Variants in C15orf40 observed in about 807,000 individuals in gnomAD.
The protein encoded by C15orf40 is chromosome 15 open reading frame 40, also known as UPF0235 protein C15orf40.
A neutral mutation model predicts 13.9 loss-of-function variants in C15orf40; 9 were observed. The ratio of observed to expected loss-of-function variants is 0.65; its 90% CI spans 0.39 to 1.13. The LOEUF (loss-of-function observed/expected upper bound fraction) is 1.13, where lower values mean the gene tolerates loss of function less well. C15orf40 is among the 50% of genes most tolerant of loss of function. The probability of loss-of-function intolerance (pLI) is 0.01; values close to 1 mark genes in which losing one functional copy is unlikely to be tolerated. For missense variants in C15orf40, 225 were observed against 188.5 expected (o/e 1.19, Z -1.13); for synonymous variants, 95 against 69.2 (o/e 1.37, Z -1.85).
chr15:83,008,769 C>T (rs2031840958), intron 2 of C15orf40, 94 bp from the exon 3 acceptor site: 1 of 1,365,384 alleles, frequency 7.3e-7, no homozygotes, highest in Non-Finnish European at 9.8e-7. Flanking sequence ...ATTTGCCTGG[C>T]ACACAGATTT....
rs1464812326 is a variant in C15orf40, at chr15:83,005,561, G to A, written c.*36C>T. 6.4e-6 allele frequency: 10 copies of A among 1,568,182 alleles called. No homozygotes were observed. Among genetic ancestry groups the A allele is most frequent in the South Asian group, 1.1e-5 (1 of 88,690 alleles). ...GGCCTCCCAAAGTGCTGGGATTACA[G>A]GCATGAGCCACTGCGCCCGGCCTCA... is the stretch of plus-strand genomic sequence containing the variant. On this transcript the variant is annotated 3_prime_UTR_variant, in exon 4 of 4. Coordinates refer to ENST00000304177, the MANE Select transcript of C15orf40 (RefSeq NM_144597.3).
At chr15:82,992,013 C>T (rs761644130), downstream of C15orf40, 22 of 856,276 alleles carry the variant, frequency 2.6e-5, no homozygotes, top group Admixed American at 2.1e-4. Flanking sequence ...GCCAGGAGTT[C>T]GAGGCCAGCC....
In C15orf40 at chr15:83,000,725, G is replaced by C. The variant is rs890942992; in HGVS notation, c.*4872C>G. 3 of 152,226 alleles carry C rather than the reference G, an allele frequency of 2.0e-5. No homozygotes were observed. The highest frequency in any genetic ancestry group is 4.4e-5 in the Non-Finnish European group (3 of 68,042). The allele number at this position is 152,226 out of a possible 1,614,324, so 9.4% of individuals were successfully genotyped here. A position where few individuals can be genotyped will look rare whatever the true frequency, so the allele number is the denominator to read the frequency against. On this transcript the variant is annotated 3_prime_UTR_variant, in exon 4 of 4. Transcript: ENST00000304177. The stretch of plus-strand genomic sequence containing the variant: ...ATTTATACTCTGCATTACAGCTAAA[G>C]AACTATGTAACCAAATCCCTGGAAT...
In C15orf40 at chr15:83,005,324, G is replaced by A. The variant is rs150955027; in HGVS notation, c.*273C>T. On this transcript the variant is annotated 3_prime_UTR_variant, in exon 4 of 4. Transcript: ENST00000304177. ...GGGGGGAGAGAGTTTCACTCTTGTT[G>A]CCCAGGCTGGAGTGCAACGGCGCGA... is the stretch of plus-strand genomic sequence containing the variant. 8.1e-3 allele frequency: 7,714 copies of A among 948,490 alleles called. 382 individuals are homozygous for A. In the African/African-American group the frequency reaches 0.12, roughly 14 times the overall value. 58.8% of individuals were successfully genotyped at this position (948,490 alleles called of 1,614,324 possible).
downstream of C15orf40, chr15:82,989,188 G>T (rs757860183): frequency 6.2e-7 from 1 of 1,612,058 alleles, no homozygotes; most frequent in East Asian, 2.2e-5. Flanking sequence ...AGAGGCAATC[G>T]GTGTGTATTC....
Position 83,002,823 on chromosome 15 carries a change from G to A in C15orf40, c.*2774C>T, listed in dbSNP as rs929755703. 6.6e-6 allele frequency: 1 copy of A among 152,174 alleles called. No homozygotes were observed. Among genetic ancestry groups the A allele is most frequent in the African/African-American group, 2.4e-5 (1 of 41,432 alleles). The allele number at this position is 152,174 out of a possible 1,614,324, so 9.4% of individuals were successfully genotyped here. A position where few individuals can be genotyped will look rare whatever the true frequency, so the allele number is the denominator to read the frequency against. On this transcript the variant is annotated 3_prime_UTR_variant, in exon 4 of 4. Coordinates refer to ENST00000304177, the MANE Select transcript of C15orf40 (RefSeq NM_144597.3). Reference sequence around the variant, plus strand: ...TGATTTTTTTTTTTCTTGAGACGGAGTCTGCCTCTGCAGCCCACGCTGGAG... The same window carrying A: ...TGATTTTTTTTTTTCTTGAGACGGAATCTGCCTCTGCAGCCCACGCTGGAG...
downstream of C15orf40, chr15:82,989,014 T>C: frequency 1.3e-6 from 2 of 1,597,948 alleles, no homozygotes; most frequent in Non-Finnish European, 1.7e-6. Flanking sequence ...GTACAGATTT[T>C]CAGAATGACT....
At position 83,002,324 on chromosome 15, in the gene C15orf40, C is replaced by T. The variant is rs1178292918; in HGVS notation, c.*3273G>A. 1 of 152,182 alleles carries T rather than the reference C, an allele frequency of 6.6e-6. No homozygotes were observed. The highest frequency in any genetic ancestry group is 1.5e-5 in the Non-Finnish European group (1 of 68,030). 9.4% of individuals were successfully genotyped at this position (152,182 alleles called of 1,614,324 possible). On this transcript the variant is annotated 3_prime_UTR_variant, in exon 4 of 4. Transcript: ENST00000304177. ...AATGTTCCCACGTTTAAAATATCAC[C>T]GTTTAAAATGAAGTAAATAGGTTAT...
In C15orf40 at chr15:83,000,988, T is replaced by C. The variant is rs1289981747; in HGVS notation, c.*4609A>G. On this transcript the variant is annotated 3_prime_UTR_variant, in exon 4 of 4. Transcript: ENST00000304177. The stretch of plus-strand genomic sequence containing the variant: ...TTGCCATGCCCAGCGAATATTTGTA[T>C]TTGTAGTAGAAACAGGGTTTCGCCA... 1 of 368,864 alleles carries C rather than the reference T, an allele frequency of 2.7e-6. No homozygotes were observed. 22.8% of individuals were successfully genotyped at this position (368,864 alleles called of 1,614,324 possible).
downstream of C15orf40, chr15:82,992,036 C>A: frequency 1.6e-6 from 1 of 623,202 alleles, no homozygotes; most frequent in South Asian, 1.5e-5. Context: ...GGCAATGTAG[C>A]AAGATCCTGT....
chr15:83,004,864 T>A lies in C15orf40; in HGVS notation c.*733A>T. The A allele has an allele frequency of 7.7e-7, 1 of 1,303,018 alleles. No individual in the cohort carries two copies. The highest frequency in any genetic ancestry group is 1.0e-6 in the Non-Finnish European group (1 of 987,654). 80.7% of individuals were successfully genotyped at this position (1,303,018 alleles called of 1,614,324 possible). A position where few individuals can be genotyped will look rare whatever the true frequency, so the allele number is the denominator to read the frequency against. On this transcript the variant is annotated 3_prime_UTR_variant, in exon 4 of 4. Coordinates refer to ENST00000304177, the MANE Select transcript of C15orf40 (RefSeq NM_144597.3). ...CAGAATTCCAGAACCGTTGTGGAGA[T>A]ATGATTTTTAATTTACAATCTAGAA...
intron 3 of C15orf40, among the ~76,000 whole-genome samples, chr15:83,007,593 T>C (rs1399993996): frequency 6.6e-6 from 1 of 152,230 alleles, no homozygotes; most frequent in Non-Finnish European, 1.5e-5. Flanking sequence ...ATCATTAATA[T>C]GTAATAATCA....
Position 82,999,844 on chromosome 15 carries a change from CCT to C in C15orf40, c.*5751_*5752del, listed in dbSNP as rs538327119. On this transcript the variant is annotated 3_prime_UTR_variant, in exon 4 of 4. Transcript: ENST00000304177. Reference sequence around the variant, plus strand: ...AACTCTATCTAGGGGACCGATGGACCCTGAGGCAGACAGGATTATAAAATGCA... The same window carrying C: ...AACTCTATCTAGGGGACCGATGGACCGAGGCAGACAGGATTATAAAATGCA... The C allele has an allele frequency of 1.0e-3, 156 of 152,164 alleles. No homozygotes were observed. Among genetic ancestry groups the C allele is most frequent in the African/African-American group, 3.6e-3 (150 of 41,518 alleles). 9.4% of individuals were successfully genotyped at this position (152,164 alleles called of 1,614,324 possible). A position where few individuals can be genotyped will look rare whatever the true frequency, so the allele number is the denominator to read the frequency against.
rs2151275259 is a variant in C15orf40 at position 82,996,223 on chromosome 15, C to G, written c.*9374G>C. On this transcript the variant is annotated 3_prime_UTR_variant, in exon 4 of 4. Transcript: ENST00000304177. ...TTCCACTGCTCGTGCCTTTAACTCC[C>G]TAAAGAATCTCCAGTCTCTTTGTCT... The G allele has an allele frequency of 6.6e-6, 1 of 152,350 alleles. No homozygotes were observed. Among genetic ancestry groups the G allele is most frequent in the East Asian group, 1.9e-4 (1 of 5,194 alleles). 9.4% of individuals were successfully genotyped at this position (152,350 alleles called of 1,614,324 possible).
chr15:82,991,238 A>T (rs142607590), downstream of C15orf40, among the ~76,000 whole-genome samples: 1,743 of 152,244 alleles, frequency 0.011, 11 homozygotes, highest in Non-Finnish European at 0.017. Flanking sequence ...GTGACAAAAA[A>T]ATATATATAT....
chr15:82,990,592 C>T (rs938668175), downstream of C15orf40: 35 of 1,345,916 alleles, frequency 2.6e-5, no homozygotes, highest in East Asian at 7.9e-4. Flanking sequence ...TTTGTGATTC[C>T]TTAATCTATA....
intron 3 of C15orf40, among the ~76,000 whole-genome samples, chr15:83,007,606 C>T (rs900827036): frequency 1.3e-5 from 2 of 152,184 alleles, no homozygotes; most frequent in African/African-American, 4.8e-5. Context: ...AATAATCAAA[C>T]ATGGCTGGGC....
chr15:83,010,569 G>A (rs1455793330), intron 1 of C15orf40: 4 of 527,242 alleles, frequency 7.6e-6, no homozygotes, highest in Non-Finnish European at 1.3e-5. Flanking sequence ...CAACCCAACA[G>A]TGTTTTTTCC....
chr15:83,000,233 CAAGTT>C lies in C15orf40; in HGVS notation c.*5359_*5363del, dbSNP rs1449248400. ...CTATTTGGCAGTTGTGTTCTTCACT[CAAGTT>C]AATAAGCTGGCATCTTGATAAGAAA... On this transcript the variant is annotated 3_prime_UTR_variant, in exon 4 of 4. Coordinates refer to ENST00000304177, the MANE Select transcript of C15orf40 (RefSeq NM_144597.3). 5 of 152,250 alleles carry C rather than the reference CAAGTT, an allele frequency of 3.3e-5. No individual in the cohort carries two copies. Among genetic ancestry groups the C allele is most frequent in the Non-Finnish European group, 4.4e-5 (3 of 68,048 alleles). 9.4% of individuals were successfully genotyped at this position (152,250 alleles called of 1,614,324 possible).
Sources: gnomAD v4.1 joint callset for allele counts (sites outside exome capture counted in the v4.1 genomes callset) on GRCh38, gnomAD v4.1.1 for gene constraint, MANE v1.5 for transcripts, NCBI Gene and HGNC (gene_info 2026-07-23, HGNC 2026-07-21) for gene names.